AK5: variants seen among roughly 807,000 people sequenced by gnomAD.
The protein encoded by AK5 is adenylate kinase 5.
A neutral mutation model predicts 69.5 loss-of-function variants in AK5; 27 were observed. That is an observed-to-expected ratio of 0.39 (90% CI 0.29 to 0.54). The LOEUF (loss-of-function observed/expected upper bound fraction) is 0.54. AK5 is among the 20% of genes least tolerant of loss of function. The probability of loss-of-function intolerance (pLI) is 0.71; values close to 1 mark genes in which losing one functional copy is unlikely to be tolerated. For synonymous variants in AK5, 260 were observed against 244.4 expected (o/e 1.06, Z -0.60); for missense variants, 531 against 700.4 (o/e 0.76, Z 2.73).
intron 6 of AK5, among the ~76,000 whole-genome samples, chr1:77,343,569 T>C (rs1459124871): frequency 6.6e-6 from 1 of 152,162 alleles, no homozygotes; most frequent in East Asian, 1.9e-4. Context: ...GCAGCCGCTT[T>C]GCCTGATTCA....
At chr1:77,450,301 C>T (rs575226247) in intron 8 of AK5, among the ~76,000 whole-genome samples, 3 of 152,286 alleles carry the variant, frequency 2.0e-5, no homozygotes, top group African/African-American at 7.2e-5. Context: ...TACCCAGTTC[C>T]AAAGTCGCTT....
At chr1:77,543,320 T>C (rs561488535) in intron 13 of AK5, among the ~76,000 whole-genome samples, 8 of 152,322 alleles carry the variant, frequency 5.3e-5, no homozygotes, top group Admixed American at 2.0e-4. Flanking sequence ...CCAAAATTAC[T>C]TGTATACCTT....
At chr1:77,399,691 GAGGCT>G (rs1216508627) in intron 6 of AK5, among the ~76,000 whole-genome samples, 3 of 152,160 alleles carry the variant, frequency 2.0e-5, no homozygotes, top group African/African-American at 7.2e-5. Flanking sequence ...CTCTTGGAAG[GAGGCT>G]AGGCCCACTC....
chr1:77,479,291 G>A (rs77091108), intron 8 of AK5, among the ~76,000 whole-genome samples: 1,439 of 132,744 alleles, frequency 0.011, 22 homozygotes, highest in African/African-American at 0.039. Context: ...TGCAACCTCC[G>A]CCTCCCAGGT....
intron 6 of AK5, among the ~76,000 whole-genome samples, chr1:77,404,408 A>G (rs927326730): frequency 4.6e-5 from 7 of 152,026 alleles, no homozygotes; most frequent in Admixed American, 4.6e-4. Context: ...CTTGTTAAGT[A>G]TCAACATATG....
chr1:77,365,573 A>G (rs1646936159), intron 6 of AK5, among the ~76,000 whole-genome samples: 1 of 152,224 alleles, frequency 6.6e-6, no homozygotes, highest in Non-Finnish European at 1.5e-5. Context: ...AAACTGTTCC[A>G]CCTCAGATGG....
At chr1:77,527,368 C>T (rs1658348617) in intron 12 of AK5, among the ~76,000 whole-genome samples, 1 of 152,128 alleles carries the variant, frequency 6.6e-6, no homozygotes. Context: ...TTCAAATGGT[C>T]CATGTGATCT....
At chr1:77,415,953 G>A (rs575292894) in intron 7 of AK5, among the ~76,000 whole-genome samples, 16 of 152,248 alleles carry the variant, frequency 1.1e-4, no homozygotes, top group South Asian at 2.1e-4. Flanking sequence ...TGAAACAGAC[G>A]TTGAAAGTAG....
At chr1:77,314,481 T>C (rs1660134404) in intron 5 of AK5, 2 of 152,698 alleles carry the variant, frequency 1.3e-5, no homozygotes, top group East Asian at 3.9e-4. Flanking sequence ...TTTAAAGATA[T>C]TATTTTTTGT....
At chr1:77,455,884 G>A (rs902961610) in intron 8 of AK5, among the ~76,000 whole-genome samples, 44 of 152,318 alleles carry the variant, frequency 2.9e-4, no homozygotes, top group African/African-American at 1.0e-3. Flanking sequence ...AACTAGCTAG[G>A]AAGGCTGACA....
intron 10 of AK5, among the ~76,000 whole-genome samples, chr1:77,502,919 A>G (rs2100265886): frequency 6.6e-6 from 1 of 152,288 alleles, no homozygotes; most frequent in Middle Eastern, 3.4e-3. Context: ...GTATAGGTGA[A>G]CTCAGGTGGC....
At chr1:77,363,301 A>G (rs1646896586) in intron 6 of AK5, among the ~76,000 whole-genome samples, 2 of 152,132 alleles carry the variant, frequency 1.3e-5, no homozygotes, top group South Asian at 2.1e-4. Context: ...CCTTCAGAAC[A>G]TATCCAGAAT....
chr1:77,515,691 C>T (rs1012481385), intron 10 of AK5, among the ~76,000 whole-genome samples: 2 of 152,014 alleles, frequency 1.3e-5, no homozygotes, highest in African/African-American at 2.4e-5. Context: ...AGGTCTGGCT[C>T]CTGCCAGAAG....
intron 8 of AK5, among the ~76,000 whole-genome samples, chr1:77,469,104 C>T (rs1654313127): frequency 6.6e-6 from 1 of 152,208 alleles, no homozygotes; most frequent in African/African-American, 2.4e-5. Flanking sequence ...CTTAAAACAA[C>T]ATCCATTTAT....
At chr1:77,348,961 A>G (rs569779284) in intron 6 of AK5, among the ~76,000 whole-genome samples, 18 of 152,314 alleles carry the variant, frequency 1.2e-4, no homozygotes, top group African/African-American at 4.1e-4. Flanking sequence ...AATTTTTTTC[A>G]TGTTTAAGGC....
chr1:77,433,976 T>TA (rs1259735673), intron 8 of AK5, among the ~76,000 whole-genome samples: 5 of 151,608 alleles, frequency 3.3e-5, no homozygotes, highest in African/African-American at 1.2e-4. Context: ...GACTACTTCT[T>TA]AGAGTCTTTT....
At chr1:77,502,489 C>A (rs1656774587) in intron 10 of AK5, among the ~76,000 whole-genome samples, 1 of 152,120 alleles carries the variant, frequency 6.6e-6, no homozygotes, top group Non-Finnish European at 1.5e-5. Flanking sequence ...TTTCAGAGAG[C>A]CTTGTGCCCA....
At chr1:77,430,918 A>G (rs1344702218) in intron 8 of AK5, among the ~76,000 whole-genome samples, 1 of 152,226 alleles carries the variant, frequency 6.6e-6, no homozygotes, top group Non-Finnish European at 1.5e-5. Flanking sequence ...GGAAAGGTCT[A>G]CTTGTTTGTG....
At chr1:77,346,936 G>A (rs947691397) in intron 6 of AK5, among the ~76,000 whole-genome samples, 6 of 152,092 alleles carry the variant, frequency 3.9e-5, no homozygotes, top group South Asian at 2.1e-4. Context: ...CTGTTACAGC[G>A]TCTCAATAGG....
Sources: allele counts gnomAD v4.1 joint callset (sites outside exome capture counted in the v4.1 genomes callset), GRCh38; gene constraint gnomAD v4.1.1; transcripts MANE v1.5; gene names NCBI Gene and HGNC (gene_info 2026-07-23, HGNC 2026-07-21).